Variants in DOCK4 observed in about 807,000 individuals in gnomAD.
DOCK4 encodes the protein dedicator of cytokinesis 4, also known as dedicator of cytokinesis protein 4.
DOCK4 carries 97 observed loss-of-function variants against 268.1 expected under a neutral mutation model. The observed-to-expected ratio is 0.36, with a 90% CI of 0.31 to 0.43. The LOEUF (loss-of-function observed/expected upper bound fraction) is 0.43. DOCK4 is among the 20% of genes least tolerant of loss of function. The pLI, the probability that DOCK4 is intolerant of heterozygous loss-of-function variation, is 1.00. For missense variants in DOCK4, 2,145 were observed against 2,455.7 expected, an observed-to-expected ratio of 0.87 and a Z score of 2.67; for synonymous variants, 954 against 887.2, an observed-to-expected ratio of 1.08 and a Z score of -1.34.
At chr7:112,055,744 C>T (rs1341066000) in intron 1 of DOCK4, among the ~76,000 whole-genome samples, 2 of 151,926 alleles carry the variant, frequency 1.3e-5, no homozygotes, top group Admixed American at 1.3e-4. Context: ...CCCGTCTCTA[C>T]TAAAAATACA....
chr7:112,010,605 T>G (rs542831237), intron 1 of DOCK4, among the ~76,000 whole-genome samples: 26 of 152,158 alleles, frequency 1.7e-4, no homozygotes, highest in Middle Eastern at 3.2e-3. Context: ...TGCCACATGT[T>G]TGGGATCTGC....
At chr7:112,071,276 C>T (rs1807559129) in intron 1 of DOCK4, among the ~76,000 whole-genome samples, 1 of 152,174 alleles carries the variant, frequency 6.6e-6, no homozygotes, top group Non-Finnish European at 1.5e-5. Context: ...AAAACTCGGA[C>T]ACAGATTTTT....
At chr7:111,745,337 G>A (rs1796188158) in intron 44 of DOCK4, among the ~76,000 whole-genome samples, 1 of 152,118 alleles carries the variant, frequency 6.6e-6, no homozygotes, top group African/African-American at 2.4e-5. Flanking sequence ...TTTCATTCAT[G>A]CCTCATATTT....
At chr7:112,009,320 G>C (rs1374937250) in intron 1 of DOCK4, among the ~76,000 whole-genome samples, 3 of 152,142 alleles carry the variant, frequency 2.0e-5, no homozygotes, top group African/African-American at 7.2e-5. Context: ...GGTTTAAAAG[G>C]TCACTTATGA....
At chr7:112,189,299 CTG>C (rs1247565567) in intron 1 of DOCK4, among the ~76,000 whole-genome samples, 2 of 142,928 alleles carry the variant, frequency 1.4e-5, no homozygotes, top group African/African-American at 2.7e-5. Context: ...AAAAAAAAAA[CTG>C]TGGTGGGAAA....
intron 1 of DOCK4, among the ~76,000 whole-genome samples, chr7:112,098,069 A>G (rs2135794555): frequency 6.6e-6 from 1 of 152,366 alleles, no homozygotes; most frequent in East Asian, 1.9e-4. Context: ...AAACACTGAA[A>G]TGAAAAGTCA....
At chr7:112,101,685 C>T (rs946480449) in intron 1 of DOCK4, among the ~76,000 whole-genome samples, 1 of 152,180 alleles carries the variant, frequency 6.6e-6, no homozygotes, top group African/African-American at 2.4e-5. Context: ...CACATAGACT[C>T]ATTTTTCCTT....
At chr7:111,889,503 G>GA (rs1324607820) in intron 16 of DOCK4, among the ~76,000 whole-genome samples, 1 of 152,058 alleles carries the variant, frequency 6.6e-6, no homozygotes, top group African/African-American at 2.4e-5. Flanking sequence ...CATACTACAG[G>GA]AAAAGGCTAC....
chr7:111,922,031 T>G (rs1365782649), intron 12 of DOCK4, among the ~76,000 whole-genome samples: 3 of 152,178 alleles, frequency 2.0e-5, no homozygotes, highest in Non-Finnish European at 4.4e-5. Flanking sequence ...AAGACATAAC[T>G]GAGAAATACA....
chr7:111,736,959 C>A lies in DOCK4; in HGVS notation c.5263G>T (p.Ala1755Ser), dbSNP rs773731165. 6.2e-7 allele frequency: 1 copy of A among 1,605,006 alleles called. No homozygotes were observed. Among genetic ancestry groups the A allele is most frequent in the East Asian group, 2.2e-5 (1 of 44,700 alleles). Residue 1755 changes from alanine to serine, a missense_variant, in exon 50 of 53, where the codon GCC becomes TCC. Transcript: ENST00000428084. ...RMLFNHIGDGALPRSDPNLSA... is the reference protein window; with the variant it reads ...RMLFNHIGDGSLPRSDPNLSA... Reference sequence around the variant, plus strand: ...AGATTTGGGTCACTGCGTGGCAAGGCCCCGTCTCCAATATGATTAAACAGC... The same window carrying A: ...AGATTTGGGTCACTGCGTGGCAAGGACCCGTCTCCAATATGATTAAACAGC...
chr7:111,780,826 A>G (rs894855694), intron 35 of DOCK4, among the ~76,000 whole-genome samples: 3 of 152,240 alleles, frequency 2.0e-5, no homozygotes, highest in Admixed American at 2.0e-4. Context: ...GTAGAGGCTA[A>G]AAAGATTAGC....
intron 47 of DOCK4, chr7:111,740,127 T>C: frequency 2.3e-6 from 1 of 442,260 alleles, no homozygotes; most frequent in Non-Finnish European, 4.5e-6. Flanking sequence ...TGAGACACAG[T>C]CTCGCTTTGT....
intron 1 of DOCK4, among the ~76,000 whole-genome samples, chr7:112,068,291 A>G (rs932688679): frequency 6.6e-6 from 1 of 152,152 alleles, no homozygotes; most frequent in African/African-American, 2.4e-5. Context: ...TGAAAAGATA[A>G]AACAATGTTA....
chr7:111,994,160 C>A lies in DOCK4; in HGVS notation c.290G>T (p.Gly97Val). The A allele has an allele frequency of 1.2e-6, 2 of 1,606,476 alleles. No individual in the cohort carries two copies. Among genetic ancestry groups the A allele is most frequent in the South Asian group, 1.1e-5 (1 of 89,878 alleles). The change falls in exon 5 of 53, where the codon GGA becomes GTA. Residue 97 changes from glycine (G) to valine (V), a missense_variant. Coordinates refer to ENST00000428084, the MANE Select transcript of DOCK4 (RefSeq NM_001363540.2). ...CACATAGAGTTGTTTCCACATGGTT[C>A]CCCAGTCTCTTAATGTTGATGTCAT... Reference protein sequence around the residue: ...TEMTSTLRDWGTMWKQLYVRN... With the variant: ...TEMTSTLRDWVTMWKQLYVRN...
intron 10 of DOCK4, among the ~76,000 whole-genome samples, chr7:111,944,339 A>T (rs937871890): frequency 1.1e-4 from 17 of 151,776 alleles, no homozygotes; most frequent in African/African-American, 3.9e-4. Flanking sequence ...AAGTTAAAAA[A>T]ATTCAGTATT....
At chr7:111,924,430 G>A (rs780438835) in intron 12 of DOCK4, among the ~76,000 whole-genome samples, 13 of 152,192 alleles carry the variant, frequency 8.5e-5, no homozygotes, top group Non-Finnish European at 1.5e-4. Context: ...ACTGGAAGCT[G>A]ATGGGAGAGG....
At position 111,951,144 on chromosome 7, in the gene DOCK4, T is replaced by C. The variant is rs550451463; in HGVS notation, c.702-5346A>G. On this transcript the variant is annotated intron_variant, in intron 8 of 52. Transcript: ENST00000428084. ...ATAAAGAAAAACAAACCACAATTATTTATTATTTATAACCTTTCTTCTTCC... is the reference window on the plus strand; with the variant it reads ...ATAAAGAAAAACAAACCACAATTATCTATTATTTATAACCTTTCTTCTTCC... 2.0e-5 allele frequency among the ~76,000 whole-genome samples: 3 copies of C among 152,316 alleles called. No individual in the cohort carries two copies. The East Asian group carries it at 5.8e-4, about 29-fold the overall frequency.
chr7:112,037,437 C>T (rs978182533), intron 1 of DOCK4, among the ~76,000 whole-genome samples: 1 of 152,152 alleles, frequency 6.6e-6, no homozygotes, highest in Non-Finnish European at 1.5e-5. Context: ...TTCCTTTTTG[C>T]ACCTTTCCAG....
intron 28 of DOCK4, 84 bp downstream of exon 28, chr7:111,811,790 G>A: frequency 1.2e-6 from 1 of 825,400 alleles, no homozygotes; most frequent in Non-Finnish European, 2.0e-6. Flanking sequence ...AACTAATACG[G>A]CCCAAGAAAA....
Sources: allele counts gnomAD v4.1 joint callset (sites outside exome capture counted in the v4.1 genomes callset), GRCh38; gene constraint gnomAD v4.1.1; transcripts MANE v1.5; gene names NCBI Gene and HGNC (gene_info 2026-07-23, HGNC 2026-07-21).